THAP6: variants seen among roughly 807,000 people sequenced by gnomAD.
The protein encoded by THAP6 is THAP domain-containing protein 6.
A neutral mutation model predicts 20.0 loss-of-function variants in THAP6; 13 were observed. That is an observed-to-expected ratio of 0.65 (90% CI 0.42 to 1.03). The LOEUF is 1.03. Among genes scored for constraint, THAP6 ranks in the 50% least tolerant of loss-of-function variants. The pLI is 0.00. For missense variants in THAP6, 262 were observed against 261.6 expected, an observed-to-expected ratio of 1.00 and a Z score of -0.01; for synonymous variants, 93 against 92.2, an observed-to-expected ratio of 1.01 and a Z score of -0.05.
At chr4:75,526,471 G>A (rs1224547097) in intron 4 of THAP6, among the ~76,000 whole-genome samples, 1 of 152,080 alleles carries the variant, frequency 6.6e-6, no homozygotes, top group Non-Finnish European at 1.5e-5. Context: ...AACACCAAGA[G>A]GAGTTGTCTC....
At chr4:75,539,901 C>A in intron 2 of THAP6, 1 of 1,536,006 alleles carries the variant, frequency 6.5e-7, no homozygotes, top group Non-Finnish European at 8.7e-7. Flanking sequence ...AGAACAAAAA[C>A]CAAGAAGAGA....
At chr4:75,514,134 C>A (rs753720281), upstream of THAP6, 5 of 1,570,478 alleles carry the variant, frequency 3.2e-6, no homozygotes, top group South Asian at 1.1e-5. Context: ...TAACCACCTG[C>A]CCAGCCCGCC....
At chr4:75,533,754 CT>C (rs995020290), downstream of THAP6, among the ~76,000 whole-genome samples, 3 of 151,644 alleles carry the variant, frequency 2.0e-5, no homozygotes, top group African/African-American at 7.3e-5. Context: ...TGTTTTTTTC[CT>C]TTTTTTCAAA....
chr4:75,525,572 G>C (rs72647452), intron 4 of THAP6, among the ~76,000 whole-genome samples: 4 of 152,086 alleles, frequency 2.6e-5, no homozygotes, highest in African/African-American at 9.7e-5. Context: ...ATTTGTGTCA[G>C]TTCCGGCTTG....
intron 4 of THAP6, chr4:75,522,553 C>G (rs1427301536): frequency 6.6e-6 from 1 of 152,066 alleles, no homozygotes; most frequent in Non-Finnish European, 1.5e-5. Flanking sequence ...AACTATATTT[C>G]TGTACCCATT....
rs1726468073 is a variant in THAP6 at position 75,527,697 on chromosome 4, A to G, written c.*483A>G. 2 of 991,752 alleles carry G rather than the reference A, an allele frequency of 2.0e-6. No individual in the cohort carries two copies. The highest frequency in any genetic ancestry group is 4.6e-5 in the South Asian group (1 of 21,936). 61.4% of individuals were successfully genotyped at this position (991,752 alleles called of 1,614,324 possible). On this transcript the variant is annotated 3_prime_UTR_variant, in exon 5 of 5. Transcript: ENST00000311638. ...GGATTCAATCCAAGGTGCTTTAGCT[A>G]TCAGTAGTACCAAAGGATCTTTTTA...
intron 2 of THAP6, among the ~76,000 whole-genome samples, chr4:75,540,815 C>G (rs190115642): frequency 6.2e-4 from 95 of 152,184 alleles, no homozygotes; most frequent in Admixed American, 3.9e-3. Context: ...TGTTGCCAGG[C>G]TACACAGCTG....
At chr4:75,518,453 T>C (rs1339723449) in intron 3 of THAP6, among the ~76,000 whole-genome samples, 3 of 152,238 alleles carry the variant, frequency 2.0e-5, no homozygotes, top group Non-Finnish European at 2.9e-5. Flanking sequence ...TATTGGGTTT[T>C]TTAAAATAGT....
At chr4:75,515,335 T>C (rs1725497436) in intron 1 of THAP6, 98 bp from the exon 2 acceptor site, 2 of 1,133,518 alleles carry the variant, frequency 1.8e-6, no homozygotes, top group Non-Finnish European at 2.6e-6. Flanking sequence ...TCTTTAGCTT[T>C]CTATCCTGAT....
chr4:75,538,612 G>A (rs1439401568), intron 2 of THAP6, among the ~76,000 whole-genome samples: 2 of 152,188 alleles, frequency 1.3e-5, no homozygotes, highest in African/African-American at 4.8e-5. Flanking sequence ...TAGCGCCTGA[G>A]CCATTGATGC....
At position 75,527,124 on chromosome 4, in the gene THAP6, ATGTC is replaced by A. The variant is rs1342102312; in HGVS notation, c.582_585del (p.Cys194Ter). ...AGACAATCAGGGAATTAAAGGATGAATGTCTGATCAGCCAAGAAACAGCAAATAG... is the reference window on the plus strand; with the variant it reads ...AGACAATCAGGGAATTAAAGGATGAATGATCAGCCAAGAAACAGCAAATAG... On this transcript the variant is annotated frameshift_variant, in exon 5 of 5. Coordinates refer to ENST00000311638, the MANE Select transcript of THAP6 (RefSeq NM_144721.6). LOFTEE classifies it high-confidence loss of function. The A allele has an allele frequency of 6.2e-7, 1 of 1,614,136 alleles. No homozygotes were observed. Among genetic ancestry groups the A allele is most frequent in the South Asian group, 1.1e-5 (1 of 91,086 alleles).
At position 75,528,525 on chromosome 4, in the gene THAP6, G is replaced by T. The variant is rs1026903974; in HGVS notation, c.*1311G>T. The T allele has an allele frequency of 2.4e-4, 232 of 984,142 alleles. No homozygotes were observed. Among genetic ancestry groups the T allele is most frequent in the Non-Finnish European group, 2.8e-4 (230 of 828,950 alleles). The allele number at this position is 984,142 out of a possible 1,614,324, so 61.0% of individuals were successfully genotyped here. A position where few individuals can be genotyped will look rare whatever the true frequency, so the allele number is the denominator to read the frequency against. Reference sequence around the variant, plus strand: ...ATTGAATTGCATTTTGTGCTCAGTTGTTTATTGTAATTTTATTTTTGTTAC... The same window carrying T: ...ATTGAATTGCATTTTGTGCTCAGTTTTTTATTGTAATTTTATTTTTGTTAC... On this transcript the variant is annotated 3_prime_UTR_variant, in exon 5 of 5. Transcript: ENST00000311638.
Position 75,525,368 on chromosome 4 carries a change from G to A in THAP6, c.415-1592G>A, listed in dbSNP as rs76894986. ...TCCATACTGGATAGTTCCTGTTGCT[G>A]TAACTTTACATTCACGAAATCTTTT... On this transcript the variant is annotated intron_variant, in intron 4 of 4. Transcript: ENST00000311638. 4.2e-3 allele frequency among the ~76,000 whole-genome samples: 637 copies of A among 152,024 alleles called. 3 individuals carry two copies. Among genetic ancestry groups the A allele is most frequent in the African/African-American group, 0.015 (614 of 41,466 alleles).
intron 2 of THAP6, among the ~76,000 whole-genome samples, chr4:75,541,400 T>C (rs1418046195): frequency 6.6e-6 from 1 of 152,224 alleles, no homozygotes; most frequent in Admixed American, 6.5e-5. Flanking sequence ...ATCTCACTTA[T>C]ATAAAATGTT....
upstream of THAP6, chr4:75,514,144 C>T (rs1238613471): frequency 1.3e-6 from 2 of 1,577,280 alleles, no homozygotes; most frequent in Middle Eastern, 1.7e-4. Context: ...CCCAGCCCGC[C>T]CCAGCCCAAC....
rs1726445192 is a variant in THAP6, at chr4:75,527,329, G to A, written c.*115G>A. On this transcript the variant is annotated 3_prime_UTR_variant, in exon 5 of 5. Coordinates refer to ENST00000311638, the MANE Select transcript of THAP6 (RefSeq NM_144721.6). ...TTAAAGTGCTGCTTTGGATTCTCTG[G>A]AGCATTATGCATTATAGTTGTTATC... 6.6e-7 allele frequency: 1 copy of A among 1,505,306 alleles called. No homozygotes were observed. 93.2% of individuals were successfully genotyped at this position (1,505,306 alleles called of 1,614,324 possible). A position where few individuals can be genotyped will look rare whatever the true frequency, so the allele number is the denominator to read the frequency against.
intron 4 of THAP6, among the ~76,000 whole-genome samples, chr4:75,525,692 A>G (rs1030433630): frequency 6.6e-6 from 1 of 152,148 alleles, no homozygotes; most frequent in Non-Finnish European, 1.5e-5. Flanking sequence ...GCCAGATGCT[A>G]GATATTTTTG....
At position 75,526,145 on chromosome 4, in the gene THAP6, A is replaced by C. The variant is rs147692990; in HGVS notation, c.415-815A>C. 3.0e-3 allele frequency among the ~76,000 whole-genome samples: 458 copies of C among 152,254 alleles called. 5 individuals are homozygous for C. In the South Asian group the frequency reaches 0.034, roughly 11 times the overall value. ...GAGAAACTCTCAGGCAGTTAGCTGG[A>C]GCAGTCTTAGGTCTCACCTCTTTGC... On this transcript the variant is annotated intron_variant, in intron 4 of 4. Transcript: ENST00000311638.
downstream of THAP6, chr4:75,530,149 A>G: frequency 1.1e-6 from 1 of 876,810 alleles, no homozygotes; most frequent in Non-Finnish European, 1.4e-6. Context: ...GGGGTCTGCA[A>G]GGTTAGATGA....
Sources: gnomAD v4.1 joint callset for allele counts (sites outside exome capture counted in the v4.1 genomes callset) on GRCh38, gnomAD v4.1.1 for gene constraint, MANE v1.5 for transcripts, NCBI Gene and HGNC (gene_info 2026-07-23, HGNC 2026-07-21) for gene names.